The following LRPAP1 variants were observed in gnomAD, a reference collection of about 807,000 sequenced individuals.
LRPAP1 encodes alpha-2-macroglobulin receptor-associated protein.
In LRPAP1, 41 loss-of-function variants were observed where a neutral mutation model predicts 39.9. The observed-to-expected ratio is 1.03, with a 90% CI of 0.80 to 1.33. The LOEUF (loss-of-function observed/expected upper bound fraction) is 1.33. Ranked by LOEUF, LRPAP1 falls within the 40% of genes most tolerant of loss-of-function variation. The pLI, the probability that LRPAP1 is intolerant of heterozygous loss-of-function variation, is 0.00. For missense variants in LRPAP1, 565 were observed against 482.3 expected, an observed-to-expected ratio of 1.17 and a Z score of -1.61; for synonymous variants, 263 against 212.7, an observed-to-expected ratio of 1.24 and a Z score of -2.06.
chr4:3,518,175 T>C lies in LRPAP1; in HGVS notation c.610A>G (p.Ile204Val). 6.2e-7 allele frequency: 1 copy of C among 1,611,408 alleles called. No homozygotes were observed. The highest frequency in any genetic ancestry group is 1.1e-5 in the South Asian group (1 of 90,928). Residue 204 changes from isoleucine to valine, a missense_variant, in exon 5 of 8, where the codon ATT becomes GTT. Ile to Val is a conservative substitution (Grantham distance 29, BLOSUM62 3). Coordinates refer to ENST00000650182, the MANE Select transcript of LRPAP1 (RefSeq NM_002337.4). ...SRTEEIHENV[I>V]SPSDLSDIKG... ...ATGTCGCTCAGGTCCGAGGGGCTAA[T>C]GACGTTCTCGTGGATTTCTGTAAAA...
In LRPAP1 at chr4:3,506,743, G is replaced by A. The variant is rs1729367856; in HGVS notation, c.*6231C>T. On this transcript the variant is annotated 3_prime_UTR_variant, in exon 8 of 8. Coordinates refer to ENST00000650182, the MANE Select transcript of LRPAP1 (RefSeq NM_002337.4). Reference sequence around the variant, plus strand: ...AGTTTCCCCAAAGTCTCAATTTGATGAGAAAATAGAAAGACCACTAGAACG... The same window carrying A: ...AGTTTCCCCAAAGTCTCAATTTGATAAGAAAATAGAAAGACCACTAGAACG... 6.6e-6 allele frequency: 1 copy of A among 152,168 alleles called. No homozygotes were observed. Among genetic ancestry groups the A allele is most frequent in the Admixed American group, 6.5e-5 (1 of 15,278 alleles). 9.4% of individuals were successfully genotyped at this position (152,168 alleles called of 1,614,324 possible).
intron 1 of LRPAP1, among the ~76,000 whole-genome samples, chr4:3,528,344 T>C: frequency 6.6e-6 from 1 of 152,124 alleles, no homozygotes; most frequent in East Asian, 1.9e-4. Context: ...GACCGTGTCC[T>C]CCTGACCAGA....
chr4:3,522,453 T>G (rs1212093991), intron 2 of LRPAP1, among the ~76,000 whole-genome samples: 1 of 151,444 alleles, frequency 6.6e-6, no homozygotes, highest in African/African-American at 2.4e-5. Context: ...GGAGGCGGCC[T>G]CAGGAGCACC....
intron 1 of LRPAP1, among the ~76,000 whole-genome samples, chr4:3,526,709 C>T (rs1004803696): frequency 1.8e-4 from 27 of 152,210 alleles, no homozygotes; most frequent in African/African-American, 6.5e-4. Flanking sequence ...ACTCCGGAAC[C>T]TCCTCGCCTC....
chr4:3,518,270 C>T, intron 4 of LRPAP1, 78 bp from the exon 5 acceptor site: 1 of 1,452,002 alleles, frequency 6.9e-7, no homozygotes. Context: ...AGAACGCCCA[C>T]TGCTGGGGAG....
At chr4:3,519,220 G>C (rs550331295) in intron 3 of LRPAP1, among the ~76,000 whole-genome samples, 3 of 152,332 alleles carry the variant, frequency 2.0e-5, no homozygotes, top group African/African-American at 7.2e-5. Context: ...GACAGCTACC[G>C]AGCTGGCTGG....
chr4:3,519,284 C>T (rs769905246), intron 3 of LRPAP1, among the ~76,000 whole-genome samples: 13 of 152,234 alleles, frequency 8.5e-5, no homozygotes, highest in South Asian at 2.1e-4. Context: ...CCGGTGACCC[C>T]GGGCTTGCCT....
At chr4:3,526,122 T>A (rs1730072900) in intron 1 of LRPAP1, among the ~76,000 whole-genome samples, 1 of 152,238 alleles carries the variant, frequency 6.6e-6, no homozygotes, top group Non-Finnish European at 1.5e-5. Context: ...CGCATGCCTG[T>A]AGTGACGCCA....
rs1042964417 is a variant in LRPAP1 at position 3,511,539 on chromosome 4, C to G, written c.*1435G>C. 3 of 152,322 alleles carry G rather than the reference C, an allele frequency of 2.0e-5. No homozygotes were observed. Among genetic ancestry groups the G allele is most frequent in the South Asian group, 2.1e-4 (1 of 4,838 alleles). 9.4% of individuals were successfully genotyped at this position (152,322 alleles called of 1,614,324 possible). A position where few individuals can be genotyped will look rare whatever the true frequency, so the allele number is the denominator to read the frequency against. On this transcript the variant is annotated 3_prime_UTR_variant, in exon 8 of 8. Transcript: ENST00000650182. ...ACAAGTCCACAAAGGAACAGGCACC[C>G]ACATGCTGTACCCTGGGGCCCTTCC...
chr4:3,512,665 G>T lies in LRPAP1; in HGVS notation c.*309C>A. 2.5e-6 allele frequency: 1 copy of T among 394,932 alleles called. No homozygotes were observed. Among genetic ancestry groups the T allele is most frequent in the African/African-American group, 2.0e-5 (1 of 49,552 alleles). The allele number at this position is 394,932 out of a possible 1,614,324, so 24.5% of individuals were successfully genotyped here. A position where few individuals can be genotyped will look rare whatever the true frequency, so the allele number is the denominator to read the frequency against. On this transcript the variant is annotated 3_prime_UTR_variant, in exon 8 of 8. Transcript: ENST00000650182. ...TTATGTAAATCGTGTTGTTTTAGCA[G>T]AGGACTATCAGACCTGACAGCAGCT...
chr4:3,510,861 C>G lies in LRPAP1; in HGVS notation c.*2113G>C, dbSNP rs1197412420. The G allele has an allele frequency of 6.6e-6, 1 of 152,252 alleles. No homozygotes were observed. Among genetic ancestry groups the G allele is most frequent in the African/African-American group, 2.4e-5 (1 of 41,464 alleles). The allele number at this position is 152,252 out of a possible 1,614,324, so 9.4% of individuals were successfully genotyped here. Reference sequence around the variant, plus strand: ...CGGTGGTAGGAGTCAGAATGGGTACCCCTGTGGGACTGGCTCTGCGGAGTG... The same window carrying G: ...CGGTGGTAGGAGTCAGAATGGGTACGCCTGTGGGACTGGCTCTGCGGAGTG... On this transcript the variant is annotated 3_prime_UTR_variant, in exon 8 of 8. Coordinates refer to ENST00000650182, the MANE Select transcript of LRPAP1 (RefSeq NM_002337.4).
Position 3,520,075 on chromosome 4 carries a change from G to A in LRPAP1, c.468C>T (p.His156=). 6.2e-7 allele frequency: 1 copy of A among 1,614,056 alleles called. No individual in the cohort carries two copies. Among genetic ancestry groups the A allele is most frequent in the Non-Finnish European group, 8.5e-7 (1 of 1,179,996 alleles). ...TATGCAAACAATCGAAGAGTACCTT[G>A]TGCCACAGCTTTTCCAGCCTGGGGT... The part of the protein sequence containing the change: ...LDDPRLEKLW[H]KAKTSGKFSG... The change falls in exon 3 of 8, where the codon CAC becomes CAT. Residue 156 remains histidine, a synonymous_variant. Transcript: ENST00000650182.
chr4:3,531,566 C>T (rs1730254014), intron 1 of LRPAP1, among the ~76,000 whole-genome samples: 1 of 152,162 alleles, frequency 6.6e-6, no homozygotes, highest in East Asian at 1.9e-4. Flanking sequence ...GCTGTTGTCC[C>T]GGGGGGCCCC....
intron 5 of LRPAP1, 115 bp from the exon 6 acceptor site, chr4:3,516,313 T>C: frequency 2.8e-6 from 2 of 705,590 alleles, no homozygotes; most frequent in Non-Finnish European, 4.7e-6. Flanking sequence ...AGGCGCGACC[T>C]GCATGTGTGT....
In LRPAP1 at chr4:3,512,651, G is replaced by A. The variant is rs776584916; in HGVS notation, c.*323C>T. The A allele has an allele frequency of 7.0e-5, 23 of 330,634 alleles. No individual in the cohort carries two copies. The highest frequency in any genetic ancestry group is 6.7e-5 in the Non-Finnish European group (12 of 179,324). 20.5% of individuals were successfully genotyped at this position (330,634 alleles called of 1,614,324 possible). A position where few individuals can be genotyped will look rare whatever the true frequency, so the allele number is the denominator to read the frequency against. Reference sequence around the variant, plus strand: ...ATGTGTAAGATTTTTTATGTAAATCGTGTTGTTTTAGCAGAGGACTATCAG... The same window carrying A: ...ATGTGTAAGATTTTTTATGTAAATCATGTTGTTTTAGCAGAGGACTATCAG... On this transcript the variant is annotated 3_prime_UTR_variant, in exon 8 of 8. Transcript: ENST00000650182.
intron 1 of LRPAP1, chr4:3,531,840 A>C: frequency 3.4e-6 from 1 of 295,534 alleles, no homozygotes; most frequent in Non-Finnish European, 6.3e-6. Context: ...GTTTCCCCAC[A>C]TAGGGAGATA....
At position 3,505,509 on chromosome 4, in the gene LRPAP1, C is replaced by T. The variant is rs1405141300; in HGVS notation, c.*7465G>A. The stretch of plus-strand genomic sequence containing the variant: ...GCTGCCTGTGCCTGGCAGGGGCCTC[C>T]TGCGGCCGGAACGTCCCCTGCATCC... On this transcript the variant is annotated 3_prime_UTR_variant, in exon 8 of 8. Transcript: ENST00000650182. Among the ~76,000 whole-genome samples the T allele has an allele frequency of 1.3e-5, 2 of 152,234 alleles. No homozygotes were observed. The highest frequency in any genetic ancestry group is 4.8e-5 in the African/African-American group (2 of 41,458).
rs1275111144 is a variant in LRPAP1 at position 3,532,365 on chromosome 4, C to T, written c.48G>A (p.Leu16=). 2.5e-6 allele frequency: 4 copies of T among 1,593,884 alleles called. No homozygotes were observed. Among genetic ancestry groups the T allele is most frequent in the Non-Finnish European group, 3.4e-6 (4 of 1,170,692 alleles). The change falls in exon 1 of 8, where the codon CTG becomes CTA. Residue 16 remains leucine, a synonymous_variant. Transcript: ENST00000650182. ...GCCCGAGGAAGAGCAGCAGCAGTAG[C>T]AGCGCCGGGAGCCCGCGCAGAAACG... is the stretch of plus-strand genomic sequence containing the variant. The part of the protein sequence containing the change: ...VRSFLRGLPA[L]LLLLLFLGPW...
intron 5 of LRPAP1, 104 bp downstream of exon 5, chr4:3,517,910 GAGGGTCTCCGCTGCGTCCAC>G (rs1729770592): frequency 7.1e-6 from 9 of 1,264,942 alleles, no homozygotes; most frequent in Non-Finnish European, 9.7e-6. Flanking sequence ...TGAGCGCGCC[GAGGGTCTCCGCTGCGTCCAC>G]AGGCCCAGGT....
Sources: gnomAD v4.1 joint callset for allele counts (sites outside exome capture counted in the v4.1 genomes callset) on GRCh38, gnomAD v4.1.1 for gene constraint, MANE v1.5 for transcripts, NCBI Gene and HGNC (gene_info 2026-07-23, HGNC 2026-07-21) for gene names.